Variants in SLCO4C1 observed in about 807,000 individuals in gnomAD.
The protein encoded by SLCO4C1 is organic anion transporter M1.
A neutral mutation model predicts 72.1 loss-of-function variants in SLCO4C1; 58 were observed. The ratio of observed to expected loss-of-function variants is 0.80; its 90% CI spans 0.65 to 1.00. The LOEUF (loss-of-function observed/expected upper bound fraction) is 1.00. SLCO4C1 is among the 50% of genes least tolerant of loss of function. SLCO4C1 has a pLI of 0.00. For missense variants in SLCO4C1, 898 were observed against 857.9 expected (o/e 1.05, Z -0.58); for synonymous variants, 297 against 312.5 (o/e 0.95, Z 0.52).
chr5:102,286,754 AAAAC>A (rs1199110030), intron 2 of SLCO4C1, among the ~76,000 whole-genome samples: 2 of 152,156 alleles, frequency 1.3e-5, no homozygotes, highest in African/African-American at 4.8e-5. Flanking sequence ...TTCCCTTAAA[AAAAC>A]ACTTTCTCTC....
Position 102,234,664 on chromosome 5 carries a change from A to G in SLCO4C1, c.*2194T>C, listed in dbSNP as rs1364857407. The G allele has an allele frequency of 6.6e-6, 1 of 151,964 alleles. No homozygotes were observed. Among genetic ancestry groups the G allele is most frequent in the Non-Finnish European group, 1.5e-5 (1 of 67,978 alleles). The allele number at this position is 151,964 out of a possible 1,614,324, so 9.4% of individuals were successfully genotyped here. A position where few individuals can be genotyped will look rare whatever the true frequency, so the allele number is the denominator to read the frequency against. ...TGGCCCTAGACTAATATATTTGTTC[A>G]GTTATTCTGTTTTCTTCCTTACTGC... On this transcript the variant is annotated 3_prime_UTR_variant, in exon 13 of 13. Coordinates refer to ENST00000310954, the MANE Select transcript of SLCO4C1 (RefSeq NM_180991.5).
chr5:102,254,223 C>G (rs755796426), intron 8 of SLCO4C1, among the ~76,000 whole-genome samples: 2 of 152,112 alleles, frequency 1.3e-5, no homozygotes, highest in African/African-American at 2.4e-5. Context: ...ACAGGCTTAC[C>G]TAGCTTTACT....
chr5:102,295,948 T>A lies in SLCO4C1; in HGVS notation c.315A>T (p.Gly105=), dbSNP rs373525690. 1 of 1,614,216 alleles carries A rather than the reference T, an allele frequency of 6.2e-7. No homozygotes were observed. Among genetic ancestry groups the A allele is most frequent in the African/African-American group, 1.3e-5 (1 of 75,070 alleles). ...AGAGGCAGTAGTGAAGCAGAAAGCC[T>A]CCAGGTGTGTTGCAGCGCTGGAGAC... ...PQCLQRCNTP[G]GFLLHYCLLA... is the part of the protein sequence containing the mutation. Residue 105 remains glycine, a synonymous_variant, in exon 1 of 13, where the codon GGA becomes GGT. Transcript: ENST00000310954.
intron 2 of SLCO4C1, among the ~76,000 whole-genome samples, chr5:102,277,173 GA>G (rs1242505908): frequency 1.3e-5 from 2 of 152,108 alleles, no homozygotes; most frequent in East Asian, 3.9e-4. Context: ...TGGCAAGGCA[GA>G]AAAATTATAC....
chr5:102,275,809 C>T (rs1482022254), intron 2 of SLCO4C1, among the ~76,000 whole-genome samples: 2 of 152,094 alleles, frequency 1.3e-5, no homozygotes, highest in Non-Finnish European at 2.9e-5. Flanking sequence ...ATCATATATT[C>T]AAGTTAGTTT....
chr5:102,255,719 T>C (rs1748821747), intron 8 of SLCO4C1, among the ~76,000 whole-genome samples: 1 of 152,194 alleles, frequency 6.6e-6, no homozygotes, highest in African/African-American at 2.4e-5. Flanking sequence ...TATTATGCTG[T>C]GAAGCCCTTC....
chr5:102,278,118 C>T (rs1055422962), intron 2 of SLCO4C1, among the ~76,000 whole-genome samples: 21 of 152,130 alleles, frequency 1.4e-4, no homozygotes, highest in Admixed American at 1.4e-3. Flanking sequence ...AAGAAATTCA[C>T]TTCAAATGCA....
chr5:102,249,286 C>T (rs1380728625), intron 9 of SLCO4C1, among the ~76,000 whole-genome samples: 1 of 151,994 alleles, frequency 6.6e-6, no homozygotes, highest in Non-Finnish European at 1.5e-5. Flanking sequence ...TCTTCAAGGC[C>T]ATCGGCAGGA....
At chr5:102,262,425 A>G (rs1748959724) in intron 4 of SLCO4C1, among the ~76,000 whole-genome samples, 1 of 152,182 alleles carries the variant, frequency 6.6e-6, no homozygotes, top group Admixed American at 6.6e-5. Context: ...GTGTGCTTCA[A>G]TTAGAGCATT....
chr5:102,251,740 A>T (rs1748743348), intron 8 of SLCO4C1, among the ~76,000 whole-genome samples: 1 of 152,188 alleles, frequency 6.6e-6, no homozygotes, highest in Non-Finnish European at 1.5e-5. Flanking sequence ...ATGGAGCTAG[A>T]TTTCTTAATA....
Position 102,236,932 on chromosome 5 carries a change from A to T in SLCO4C1, c.2101T>A (p.Phe701Ile). 1 of 1,613,072 alleles carries T rather than the reference A, an allele frequency of 6.2e-7. No individual in the cohort carries two copies. Among genetic ancestry groups the T allele is most frequent in the Non-Finnish European group, 8.5e-7 (1 of 1,179,710 alleles). Reference sequence around the variant, plus strand: ...GTCACAACTGCATTCTCTTTATGAAATGACACATCTGTGGCTGATGGAGGT... The same window carrying T: ...GTCACAACTGCATTCTCTTTATGAATTGACACATCTGTGGCTGATGGAGGT... The part of the protein sequence containing the change: ...KPPPSATDVS[F>I]HKENAVVTNV... Residue 701 changes from phenylalanine to isoleucine, a missense_variant, in exon 13 of 13, where the codon TTT becomes ATT. Physicochemically the swap from Phe to Ile is conservative, Grantham distance 21. Transcript: ENST00000310954.
intron 10 of SLCO4C1, among the ~76,000 whole-genome samples, chr5:102,241,418 C>T (rs1422339482): frequency 2.6e-5 from 4 of 151,700 alleles, no homozygotes; most frequent in African/African-American, 9.7e-5. Flanking sequence ...TTTTAGCATA[C>T]AAAATCATAA....
At chr5:102,258,236 T>C (rs1443535661) in intron 6 of SLCO4C1, 149 bp from the exon 7 acceptor site, 2 of 558,524 alleles carry the variant, frequency 3.6e-6, no homozygotes, top group Admixed American at 4.2e-5. Flanking sequence ...TAACTATGGA[T>C]AATTAATAGA....
Position 102,249,735 on chromosome 5 carries a change from G to C in SLCO4C1, c.1523C>G (p.Ser508Trp). The change falls in exon 9 of 13, where the codon TCG (serine) becomes TGG (tryptophan). Residue 508 changes from serine (S) to tryptophan (W), a missense_variant. Physicochemically the swap from Ser to Trp is radical, Grantham distance 177 (BLOSUM62 -3). Coordinates refer to ENST00000310954, the MANE Select transcript of SLCO4C1 (RefSeq NM_180991.5). The part of the protein sequence containing the change: ...IAPCNANCNC[S>W]RSYYYPVCGD... ...ACAGACAGGATAATAATATGATCGC[G>C]AACAGTTACAATTGGCATTACAAGG... 1.2e-6 allele frequency: 2 copies of C among 1,613,836 alleles called. No homozygotes were observed. The highest frequency in any genetic ancestry group is 1.7e-6 in the Non-Finnish European group (2 of 1,179,890).
At chr5:102,279,286 C>T (rs975714661) in intron 2 of SLCO4C1, among the ~76,000 whole-genome samples, 1 of 151,792 alleles carries the variant, frequency 6.6e-6, no homozygotes, top group Non-Finnish European at 1.5e-5. Context: ...ATCTACTCAC[C>T]CAAAACGAAG....
intron 11 of SLCO4C1, 69 bp from the exon 12 acceptor site, chr5:102,239,457 A>G (rs1274108338): frequency 5.5e-6 from 6 of 1,086,980 alleles, no homozygotes; most frequent in Non-Finnish European, 7.5e-6. Context: ...CTTTTTATAC[A>G]TGATCATACA....
intron 2 of SLCO4C1, among the ~76,000 whole-genome samples, chr5:102,274,081 T>G (rs922178609): frequency 5.9e-5 from 9 of 152,118 alleles, no homozygotes; most frequent in Admixed American, 2.6e-4. Flanking sequence ...ATTTGTAATC[T>G]AGAGATGATT....
intron 3 of SLCO4C1, among the ~76,000 whole-genome samples, chr5:102,266,008 C>G (rs532599000): frequency 6.6e-6 from 1 of 151,944 alleles, no homozygotes; most frequent in African/African-American, 2.4e-5. Flanking sequence ...TTGTAGTTTT[C>G]CTTTAAAGAT....
chr5:102,241,773 A>T (rs923984658), intron 10 of SLCO4C1, among the ~76,000 whole-genome samples: 6 of 152,292 alleles, frequency 3.9e-5, no homozygotes, highest in African/African-American at 1.4e-4. Context: ...AATGACAAAA[A>T]ATCCAGAATA....
Sources: allele counts gnomAD v4.1 joint callset (sites outside exome capture counted in the v4.1 genomes callset), GRCh38; gene constraint gnomAD v4.1.1; transcripts MANE v1.5; gene names NCBI Gene and HGNC (gene_info 2026-07-23, HGNC 2026-07-21).